CNBD1: variants seen among roughly 807,000 people sequenced by gnomAD.
CNBD1 encodes the protein cyclic nucleotide-binding domain-containing protein 1.
A neutral mutation model predicts 54.4 loss-of-function variants in CNBD1; 71 were observed. That is an observed-to-expected ratio of 1.30 (90% CI 1.08 to 1.59). The LOEUF (loss-of-function observed/expected upper bound fraction) is 1.59. Among genes scored for constraint, CNBD1 ranks in the 40% most tolerant of loss-of-function variants. The pLI, the probability that CNBD1 is intolerant of heterozygous loss-of-function variation, is 0.00. For synonymous variants in CNBD1, 182 were observed against 170.7 expected, an observed-to-expected ratio of 1.07 and a Z score of -0.51; for missense variants, 659 against 518.0, an observed-to-expected ratio of 1.27 and a Z score of -2.64.
At chr8:87,341,752 T>A (rs1563560886) in intron 8 of CNBD1, among the ~76,000 whole-genome samples, 3 of 152,220 alleles carry the variant, frequency 2.0e-5, no homozygotes, top group Admixed American at 6.5e-5. Context: ...CAAGACATAA[T>A]CTTGGAAGTA....
chr8:87,217,945 T>C (rs1288728043), intron 5 of CNBD1, among the ~76,000 whole-genome samples: 1 of 152,132 alleles, frequency 6.6e-6, no homozygotes, highest in Non-Finnish European at 1.5e-5. Flanking sequence ...GGGCGTTTCA[T>C]AGCAAATTTT....
intron 8 of CNBD1, among the ~76,000 whole-genome samples, chr8:87,329,846 C>G (rs746753682): frequency 1.6e-4 from 25 of 151,888 alleles, no homozygotes; most frequent in Non-Finnish European, 1.5e-4. Flanking sequence ...TCAGCAAAGA[C>G]AGTTTTATTT....
intron 10 of CNBD1, among the ~76,000 whole-genome samples, chr8:87,367,305 C>T (rs1327905194): frequency 2.6e-5 from 4 of 152,066 alleles, no homozygotes; most frequent in Non-Finnish European, 4.4e-5. Context: ...GTGTACTCTA[C>T]TGTGGCTTTT....
intron 4 of CNBD1, among the ~76,000 whole-genome samples, chr8:86,978,367 A>G (rs1177897819): frequency 6.6e-6 from 1 of 152,072 alleles, no homozygotes; most frequent in Non-Finnish European, 1.5e-5. Flanking sequence ...CCCTCTAAAA[A>G]CAAAGATAAA....
intron 4 of CNBD1, among the ~76,000 whole-genome samples, chr8:87,071,566 C>T (rs1184703910): frequency 2.0e-5 from 3 of 151,992 alleles, no homozygotes; most frequent in Non-Finnish European, 4.4e-5. Context: ...TCATTCAGAC[C>T]ATTAAAAACT....
At chr8:87,087,532 C>T (rs896847336) in intron 4 of CNBD1, among the ~76,000 whole-genome samples, 9 of 146,260 alleles carry the variant, frequency 6.2e-5, no homozygotes, top group Non-Finnish European at 1.3e-4. Flanking sequence ...GGCGCGATCT[C>T]GGCTCACTGC....
rs964694785 is a variant in CNBD1, at chr8:87,182,437, A to T, written c.432-23556A>T. On this transcript the variant is annotated intron_variant, in intron 4 of 10. Transcript: ENST00000518476. The surrounding 1 kb of genome is among the most constrained non-coding windows in gnomAD (Gnocchi z 4.1). ...TAATGGAATTACTGGGTTGAATGAT[A>T]ATTCTGTTTTAGTTTCTTTCAGATA... is the stretch of plus-strand genomic sequence containing the variant. Among the ~76,000 whole-genome samples the T allele has an allele frequency of 1.3e-5, 2 of 152,100 alleles. No homozygotes were observed. The highest frequency in any genetic ancestry group is 2.9e-5 in the Non-Finnish European group (2 of 67,988).
In CNBD1 at chr8:87,272,224, G is replaced by A. The variant is rs2130858927; in HGVS notation, c.772-12454G>A. 1.3e-5 allele frequency among the ~76,000 whole-genome samples: 2 copies of A among 151,996 alleles called. 1 individual carries two copies. Among genetic ancestry groups the A allele is most frequent in the East Asian group, 3.9e-4 (2 of 5,168 alleles). ...TAGATTGCACATTTCAAAATAGTTA[G>A]CGGGGAATAATTAGAATGATCCTAG... On this transcript the variant is annotated intron_variant, in intron 6 of 10. Coordinates refer to ENST00000518476, the MANE Select transcript of CNBD1 (RefSeq NM_173538.3).
At chr8:87,161,485 TAATAA>T (rs1812856751) in intron 4 of CNBD1, among the ~76,000 whole-genome samples, 2 of 152,098 alleles carry the variant, frequency 1.3e-5, no homozygotes, top group Admixed American at 1.3e-4. Flanking sequence ...CAAAAAGGAC[TAATAA>T]AATTATAAAA....
chr8:87,096,326 G>A (rs1315554606), intron 4 of CNBD1, among the ~76,000 whole-genome samples: 1 of 145,210 alleles, frequency 6.9e-6, no homozygotes, highest in Non-Finnish European at 1.5e-5. Context: ...ACAGAAAGAA[G>A]AATAGCTCTC....
chr8:86,925,850 A>C (rs1201618907), intron 3 of CNBD1, among the ~76,000 whole-genome samples: 1 of 151,986 alleles, frequency 6.6e-6, no homozygotes, highest in Admixed American at 6.6e-5. Context: ...GGAGCCACGG[A>C]ACTTGGCAGT....
intron 3 of CNBD1, among the ~76,000 whole-genome samples, chr8:86,913,192 T>G (rs1347027168): frequency 6.6e-6 from 1 of 152,116 alleles, no homozygotes; most frequent in African/African-American, 2.4e-5. Context: ...GTGTACAGTG[T>G]TTTTAAATTC....
At chr8:87,135,672 A>G (rs1179541092) in intron 4 of CNBD1, among the ~76,000 whole-genome samples, 1 of 148,552 alleles carries the variant, frequency 6.7e-6, no homozygotes, top group Non-Finnish European at 1.5e-5. Context: ...TAATGCATAT[A>G]ATATATATGC....
chr8:87,367,293 T>C (rs1325547415), intron 10 of CNBD1, among the ~76,000 whole-genome samples: 1 of 152,054 alleles, frequency 6.6e-6, no homozygotes, highest in Non-Finnish European at 1.5e-5. Context: ...AGTCAGACAA[T>C]AGTGTACTCT....
chr8:86,993,987 G>T (rs956679705), intron 4 of CNBD1, among the ~76,000 whole-genome samples: 1 of 152,128 alleles, frequency 6.6e-6, no homozygotes, highest in Non-Finnish European at 1.5e-5. Context: ...TTGGGTAGAG[G>T]TCGTGGCAGG....
At chr8:87,054,815 T>G (rs1586225761) in intron 4 of CNBD1, among the ~76,000 whole-genome samples, 1 of 152,292 alleles carries the variant, frequency 6.6e-6, no homozygotes, top group Admixed American at 6.5e-5. Context: ...AAAAGGGAAC[T>G]TGATTGGAAC....
chr8:87,266,304 G>A (rs1430720737), intron 6 of CNBD1, among the ~76,000 whole-genome samples: 1 of 151,174 alleles, frequency 6.6e-6, no homozygotes, highest in Non-Finnish European at 1.5e-5. Context: ...TGGGAAAGAG[G>A]AGCTTTTCCT....
chr8:87,360,638 G>T (rs1284095434), intron 10 of CNBD1, among the ~76,000 whole-genome samples: 1 of 151,830 alleles, frequency 6.6e-6, no homozygotes, highest in Non-Finnish European at 1.5e-5. Context: ...TAGAACAAGT[G>T]TACTACTTTT....
chr8:87,250,438 G>T (rs2130838601), intron 6 of CNBD1, among the ~76,000 whole-genome samples: 1 of 152,212 alleles, frequency 6.6e-6, no homozygotes, highest in African/African-American at 2.4e-5. Flanking sequence ...TATAAAAACA[G>T]AACTACCATG....
Sources: gnomAD v4.1 joint callset for allele counts (sites outside exome capture counted in the v4.1 genomes callset) on GRCh38, gnomAD v4.1.1 for gene constraint, Gnocchi (gnomAD v3.1) non-coding constraint, MANE v1.5 for transcripts, NCBI Gene and HGNC (gene_info 2026-07-23, HGNC 2026-07-21) for gene names.